The following UNKL variants were observed in gnomAD, a reference collection of about 807,000 sequenced individuals.
UNKL encodes the protein putative E3 ubiquitin-protein ligase UNKL.
Under a neutral mutation model 78.0 loss-of-function variants are expected in UNKL, and 60 were observed. That is an observed-to-expected ratio of 0.77 (90% CI 0.63 to 0.95). UNKL has a LOEUF of 0.95. Among genes scored for constraint, UNKL ranks in the 40% least tolerant of loss-of-function variants. The pLI is 0.00. For missense variants in UNKL, 1,159 were observed against 1,045.7 expected (o/e 1.11, Z -1.49); for synonymous variants, 608 against 474.8 (o/e 1.28, Z -3.65).
chr16:1,380,600 C>A (rs2036565543), intron 10 of UNKL, among the ~76,000 whole-genome samples: 1 of 145,478 alleles, frequency 6.9e-6, no homozygotes, highest in Admixed American at 6.9e-5. Flanking sequence ...AATACATTGC[C>A]TCTAACTAAG....
At chr16:1,414,239 C>T (rs2038177283) in intron 1 of UNKL, among the ~76,000 whole-genome samples, 184 bp from the exon 2 acceptor site, 1 of 152,020 alleles carries the variant, frequency 6.6e-6, no homozygotes, top group South Asian at 2.1e-4. Context: ...CTCACCCGAC[C>T]TCGTAGCCCA....
At chr16:1,410,862 C>A (rs897369008) in intron 2 of UNKL, among the ~76,000 whole-genome samples, 1 of 152,188 alleles carries the variant, frequency 6.6e-6, no homozygotes, top group Non-Finnish European at 1.5e-5. Context: ...ACTTTCAGAA[C>A]CGCCTTGAAG....
chr16:1,397,111 T>C (rs2037299344), intron 6 of UNKL, 67 bp downstream of exon 6: 3 of 1,494,352 alleles, frequency 2.0e-6, no homozygotes, highest in Non-Finnish European at 2.7e-6. Flanking sequence ...ATAACCACGC[T>C]GTGAACCCCA....
intron 9 of UNKL, among the ~76,000 whole-genome samples, chr16:1,386,708 T>A (rs1029782231): frequency 6.6e-6 from 1 of 152,210 alleles, no homozygotes; most frequent in African/African-American, 2.4e-5. Flanking sequence ...AATTTTAATG[T>A]GCATTTCCTA....
At position 1,385,082 on chromosome 16, in the gene UNKL, G is replaced by A. The variant is rs575679809; in HGVS notation, c.1264+126C>T. 3.6e-5 allele frequency: 27 copies of A among 744,728 alleles called. No homozygotes were observed. The East Asian group carries it at 6.1e-4, about 17-fold the overall frequency. 46.1% of individuals were successfully genotyped at this position (744,728 alleles called of 1,614,324 possible). ...CAAAGTGACAGATGACTGAAAATAC[G>A]CGTCTGGCTTCTCTACAAAAATGAC... On this transcript the variant is annotated intron_variant, in intron 10 of 14. Coordinates refer to ENST00000389221, the MANE Select transcript of UNKL (RefSeq NM_001372107.1).
chr16:1,393,702 T>C (rs2037144008), intron 7 of UNKL, among the ~76,000 whole-genome samples: 1 of 151,612 alleles, frequency 6.6e-6, no homozygotes, highest in South Asian at 2.1e-4. Context: ...ACAGACCCCC[T>C]CTCTCCACAA....
At chr16:1,375,782 C>T (rs111277207) in intron 10 of UNKL, among the ~76,000 whole-genome samples, 1 of 152,142 alleles carries the variant, frequency 6.6e-6, no homozygotes, top group Non-Finnish European at 1.5e-5. Flanking sequence ...TTGGGCCAGC[C>T]GCACCCAGAG....
At position 1,387,845 on chromosome 16, in the gene UNKL, G is replaced by T. The variant is rs1230532475; in HGVS notation, c.1087-2460C>A. Among the ~76,000 whole-genome samples the T allele has an allele frequency of 8.1e-6, 1 of 122,870 alleles. No homozygotes were observed. The highest frequency in any genetic ancestry group is 1.6e-5 in the Non-Finnish European group (1 of 62,164). The allele number at this position is 122,870 out of a possible 152,430, so 80.6% of individuals were successfully genotyped here. ...CTCTTGGCAGCCCACCCTGTGTCCC[G>T]GGGTCTGCCCAGGTCCGTGCTCTGG... On this transcript the variant is annotated intron_variant, in intron 9 of 14. Coordinates refer to ENST00000389221, the MANE Select transcript of UNKL (RefSeq NM_001372107.1). The surrounding 1 kb of genome is among the most constrained non-coding windows in gnomAD (Gnocchi z 4.1).
At chr16:1,366,877 G>A (rs890835243) in intron 14 of UNKL, among the ~76,000 whole-genome samples, 2 of 152,210 alleles carry the variant, frequency 1.3e-5, no homozygotes, top group Admixed American at 6.5e-5. Flanking sequence ...AAAGGGCAAG[G>A]GCCAGCCTGA....
chr16:1,375,450 G>C (rs1596674863), intron 10 of UNKL, among the ~76,000 whole-genome samples: 1 of 152,236 alleles, frequency 6.6e-6, no homozygotes, highest in Non-Finnish European at 1.5e-5. Context: ...TTTCCGGGGC[G>C]TGGAGGCCGG....
rs113918149 is a variant in UNKL at position 1,391,128 on chromosome 16, T to C, written c.1024-434A>G. Among the ~76,000 whole-genome samples, 255 of 150,370 alleles carry C rather than the reference T, an allele frequency of 1.7e-3. 3 individuals are homozygous for C. The highest frequency in any genetic ancestry group is 5.4e-3 in the African/African-American group (220 of 40,780). ...TCATACCACCGCACTGCAGGCTGGG[T>C]GATAGAGTGAGACTCTGTCTCCAAA... On this transcript the variant is annotated intron_variant, in intron 8 of 14. Transcript: ENST00000389221.
chr16:1,370,393 G>A (rs973548082), intron 11 of UNKL, 36 bp from the exon 12 acceptor site: 15 of 1,526,766 alleles, frequency 9.8e-6, no homozygotes, highest in African/African-American at 5.5e-5. Context: ...AGGGAGTACC[G>A]CCAGGCCTCT....
intron 10 of UNKL, among the ~76,000 whole-genome samples, chr16:1,377,919 G>A (rs923170702): frequency 6.6e-6 from 1 of 152,150 alleles, no homozygotes; most frequent in African/African-American, 2.4e-5. Flanking sequence ...TTCATGCATT[G>A]CAATAGTAAC....
At chr16:1,391,772 C>G (rs1014338548) in intron 8 of UNKL, among the ~76,000 whole-genome samples, 5 of 152,204 alleles carry the variant, frequency 3.3e-5, no homozygotes, top group Non-Finnish European at 5.9e-5. Context: ...ACTGCAAGCT[C>G]CACCTCCCGG....
At chr16:1,394,646 C>T (rs1412460931) in intron 6 of UNKL, among the ~76,000 whole-genome samples, 2 of 152,180 alleles carry the variant, frequency 1.3e-5, no homozygotes, top group African/African-American at 2.4e-5. Context: ...CACTTAAGAC[C>T]CGGCAAGGGA....
At chr16:1,392,798 C>T (rs532674395) in intron 8 of UNKL, 93 bp downstream of exon 8, 16 of 1,431,970 alleles carry the variant, frequency 1.1e-5, no homozygotes, top group Non-Finnish European at 1.5e-5. Context: ...TGCCCACGAC[C>T]ACATTGCTGA....
chr16:1,397,933 C>T (rs909999030), intron 5 of UNKL, among the ~76,000 whole-genome samples: 2 of 152,254 alleles, frequency 1.3e-5, no homozygotes, highest in South Asian at 4.1e-4. Context: ...TGACAGGCAA[C>T]GCAGCTCTGC....
chr16:1,407,993 T>G (rs2037845941), intron 2 of UNKL, among the ~76,000 whole-genome samples: 1 of 151,582 alleles, frequency 6.6e-6, no homozygotes, highest in Non-Finnish European at 1.5e-5. Flanking sequence ...ATCGCTTGGG[T>G]ACTCCGGAGG....
In UNKL at chr16:1,400,936, G is replaced by A. The variant is rs147369729; in HGVS notation, c.598+632C>T. Among the ~76,000 whole-genome samples the A allele has an allele frequency of 5.1e-3, 771 of 152,236 alleles. 3 individuals carry two copies. The highest frequency in any genetic ancestry group is 8.8e-3 in the Admixed American group (134 of 15,286). ...ACTCCTGACCTCAAGTGATCTGCCC[G>A]CCTCGGCCTCCCAAAGTGCTGAGAT... On this transcript the variant is annotated intron_variant, in intron 4 of 14. Transcript: ENST00000389221.
Sources: gnomAD v4.1 joint callset for allele counts (sites outside exome capture counted in the v4.1 genomes callset) on GRCh38, gnomAD v4.1.1 for gene constraint, Gnocchi (gnomAD v3.1) non-coding constraint, MANE v1.5 for transcripts, NCBI Gene and HGNC (gene_info 2026-07-23, HGNC 2026-07-21) for gene names.